The following DNAL4 variants were observed in gnomAD, a reference collection of about 807,000 sequenced individuals.
DNAL4 encodes the protein dynein axonemal light chain 4.
A neutral mutation model predicts 12.6 loss-of-function variants in DNAL4; 10 were observed. The observed-to-expected ratio is 0.79, with a 90% CI of 0.49 to 1.34. The LOEUF (loss-of-function observed/expected upper bound fraction) is 1.34. Ranked by LOEUF, DNAL4 falls within the 40% of genes most tolerant of loss-of-function variation. The pLI is 0.00. For synonymous variants in DNAL4, 46 were observed against 53.1 expected, an observed-to-expected ratio of 0.87 and a Z score of 0.58; for missense variants, 128 against 138.1, an observed-to-expected ratio of 0.93 and a Z score of 0.37.
Position 38,782,354 on chromosome 22 carries a change from AG to A in DNAL4, c.69+308del, listed in dbSNP as rs1478143402. ...TTCCACCTGCTTCATTTTTCATTAT[AG>A]TACTTACTGCCTACGATCATGTTCT... On this transcript the variant is annotated intron_variant, in intron 2 of 3. Transcript: ENST00000216068. The surrounding 1 kb of genome is among the most constrained non-coding windows in gnomAD (Gnocchi z 5.1). Among the ~76,000 whole-genome samples the A allele has an allele frequency of 5.3e-5, 8 of 152,210 alleles. No individual in the cohort carries two copies. The highest frequency in any genetic ancestry group is 1.2e-4 in the Non-Finnish European group (8 of 68,040).
At chr22:38,788,711 G>C (rs952049140) in intron 1 of DNAL4, among the ~76,000 whole-genome samples, 2 of 152,060 alleles carry the variant, frequency 1.3e-5, no homozygotes, top group African/African-American at 4.8e-5. Context: ...ACACACAGCA[G>C]GGCAGGCTCC....
At chr22:38,790,566 T>C (rs1008078081) in intron 1 of DNAL4, among the ~76,000 whole-genome samples, 8 of 152,092 alleles carry the variant, frequency 5.3e-5, no homozygotes, top group Admixed American at 5.2e-4. Flanking sequence ...TGGAGGTATC[T>C]AGTCAGGAGA....
chr22:38,786,773 C>G (rs922598064), intron 1 of DNAL4, among the ~76,000 whole-genome samples: 4 of 152,196 alleles, frequency 2.6e-5, no homozygotes, highest in Admixed American at 6.5e-5. Context: ...TGATGTGAGG[C>G]TCTTCCTAAG....
chr22:38,782,675 G>A lies in DNAL4; in HGVS notation c.57C>T (p.Phe19=). ...CCCTGGGGCTTACCCTGACCAGAGGGAAGGTCTGCAGTCGCTTATAATCAG... is the reference window on the plus strand; with the variant it reads ...CCCTGGGGCTTACCCTGACCAGAGGAAAGGTCTGCAGTCGCTTATAATCAG... ...DEADYKRLQT[F]PLVRHSDMPE... Residue 19 remains phenylalanine (F), a synonymous_variant, in exon 2 of 4, where the codon TTC becomes TTT. Coordinates refer to ENST00000216068, the MANE Select transcript of DNAL4 (RefSeq NM_005740.3). The surrounding 1 kb of genome is among the most constrained non-coding windows in gnomAD (Gnocchi z 5.1). 6.2e-7 allele frequency: 1 copy of A among 1,613,352 alleles called. No homozygotes were observed. Among genetic ancestry groups the A allele is most frequent in the Middle Eastern group, 1.7e-4 (1 of 5,952 alleles).
At chr22:38,783,078 C>A (rs986707629) in intron 1 of DNAL4, among the ~76,000 whole-genome samples, 1 of 152,182 alleles carries the variant, frequency 6.6e-6, no homozygotes, top group Non-Finnish European at 1.5e-5. Context: ...ATGCCGCAAG[C>A]CCACACTGTC....
In DNAL4 at chr22:38,782,704, C is replaced by T. The variant is rs1351014919; in HGVS notation, c.28G>A (p.Glu10Lys). The stretch of plus-strand genomic sequence containing the variant: ...GTCTGCAGTCGCTTATAATCAGCCT[C>T]ATCTTTCTTCCCTTCTGTTTCTCCC... The part of the protein sequence containing the change: MGETEGKKD[E>K]ADYKRLQTFP... Residue 10 changes from glutamate (E) to lysine (K), a missense_variant, in exon 2 of 4, where the codon GAG becomes AAG. Glu to Lys is a moderately conservative substitution (Grantham distance 56, BLOSUM62 1). Coordinates refer to ENST00000216068, the MANE Select transcript of DNAL4 (RefSeq NM_005740.3). This position sits in a 1 kb window ranked among gnomAD's most constrained non-coding sequence, Gnocchi z 5.1. 8 of 1,613,264 alleles carry T rather than the reference C, an allele frequency of 5.0e-6. No homozygotes were observed. Among genetic ancestry groups the T allele is most frequent in the African/African-American group, 1.3e-5 (1 of 74,886 alleles).
intron 1 of DNAL4, among the ~76,000 whole-genome samples, chr22:38,783,978 TA>T (rs1157930965): frequency 6.7e-6 from 1 of 148,632 alleles, no homozygotes; most frequent in African/African-American, 2.5e-5. Flanking sequence ...TTTTTTTTTT[TA>T]ATCTCAGAAG....
chr22:38,792,399 C>T (rs2093052155), intron 1 of DNAL4, among the ~76,000 whole-genome samples: 1 of 152,080 alleles, frequency 6.6e-6, no homozygotes, highest in Middle Eastern at 3.2e-3. Context: ...TCTCCTGTCT[C>T]AGCCTCCTGA....
chr22:38,790,288 C>A (rs748530255), intron 1 of DNAL4, among the ~76,000 whole-genome samples: 1 of 152,090 alleles, frequency 6.6e-6, no homozygotes, highest in Non-Finnish European at 1.5e-5. Flanking sequence ...CAGTAATGGT[C>A]CAGGGGTATT....
intron 1 of DNAL4, among the ~76,000 whole-genome samples, chr22:38,784,791 G>A (rs1387405655): frequency 3.3e-5 from 5 of 152,176 alleles, no homozygotes; most frequent in Non-Finnish European, 5.9e-5. Context: ...GGGATTACAG[G>A]CGTGAGCTAC....
intron 3 of DNAL4, chr22:38,780,605 G>T: frequency 2.8e-6 from 1 of 358,252 alleles, no homozygotes. Flanking sequence ...TGGATGCCTG[G>T]GCAGGCCTCT....
chr22:38,782,369 C>T lies in DNAL4; in HGVS notation c.69+294G>A, dbSNP rs147162923. ...TTTTCATTATAGTACTTACTGCCTA[C>T]GATCATGTTCTTAAAACATGTATTT... On this transcript the variant is annotated intron_variant, in intron 2 of 3. Transcript: ENST00000216068. The surrounding 1 kb of genome is among the most constrained non-coding windows in gnomAD (Gnocchi z 5.1). Among the ~76,000 whole-genome samples the T allele has an allele frequency of 2.0e-5, 3 of 152,266 alleles. No individual in the cohort carries two copies. Among genetic ancestry groups the T allele is most frequent in the African/African-American group, 7.2e-5 (3 of 41,470 alleles).
chr22:38,783,761 C>T (rs536408038), intron 1 of DNAL4, among the ~76,000 whole-genome samples: 4 of 152,154 alleles, frequency 2.6e-5, no homozygotes, highest in African/African-American at 9.7e-5. Flanking sequence ...CCATCTCATG[C>T]GGCCGTTATG....
chr22:38,793,260 C>T (rs1049360567), intron 1 of DNAL4, among the ~76,000 whole-genome samples: 6 of 152,146 alleles, frequency 3.9e-5, no homozygotes, highest in African/African-American at 1.2e-4. Flanking sequence ...TCATGCTGAC[C>T]GGGTTGATAA....
chr22:38,782,615 G>T lies in DNAL4; in HGVS notation c.69+48C>A. 1 of 1,597,878 alleles carries T rather than the reference G, an allele frequency of 6.3e-7. No individual in the cohort carries two copies. ...ACAAGCTCCACCCACCTCTCTCCAG[G>T]CTGTGTGGGCCCTGCCGGCAGTCCT... is the stretch of plus-strand genomic sequence containing the variant. On this transcript the variant is annotated intron_variant, in intron 2 of 3. Coordinates refer to ENST00000216068, the MANE Select transcript of DNAL4 (RefSeq NM_005740.3). This position sits in a 1 kb window ranked among gnomAD's most constrained non-coding sequence, Gnocchi z 5.1.
intron 1 of DNAL4, chr22:38,785,284 G>A (rs1392606933): frequency 6.6e-6 from 1 of 152,160 alleles, no homozygotes; most frequent in Non-Finnish European, 1.5e-5. Flanking sequence ...AGAGGTGGCG[G>A]CTACACTGAT....
chr22:38,783,754 T>C (rs910625976), intron 1 of DNAL4, among the ~76,000 whole-genome samples: 1 of 152,098 alleles, frequency 6.6e-6, no homozygotes, highest in African/African-American at 2.4e-5. Context: ...GTCACATCCA[T>C]CTCATGCGGC....
At chr22:38,784,323 G>A (rs1204252361) in intron 1 of DNAL4, among the ~76,000 whole-genome samples, 1 of 152,158 alleles carries the variant, frequency 6.6e-6, no homozygotes, top group African/African-American at 2.4e-5. Flanking sequence ...TAGCGACACA[G>A]CTAAGGTGTG....
intron 1 of DNAL4, among the ~76,000 whole-genome samples, chr22:38,784,055 C>G (rs114255387): frequency 6.6e-6 from 1 of 151,878 alleles, no homozygotes; most frequent in Admixed American, 6.6e-5. Flanking sequence ...TATTAGACAA[C>G]TACAGCAAAA....
Sources: allele counts gnomAD v4.1 joint callset (sites outside exome capture counted in the v4.1 genomes callset), GRCh38; gene constraint gnomAD v4.1.1; non-coding constraint Gnocchi (gnomAD v3.1); transcripts MANE v1.5; gene names NCBI Gene and HGNC (gene_info 2026-07-23, HGNC 2026-07-21).